The following DLG2 variants were observed in gnomAD, a reference collection of about 807,000 sequenced individuals.
The protein encoded by DLG2 is discs large MAGUK scaffold protein 2.
A neutral mutation model predicts 132.5 loss-of-function variants in DLG2; 45 were observed. The ratio of observed to expected loss-of-function variants is 0.34; its 90% CI spans 0.27 to 0.44. The LOEUF is 0.44. Among genes scored for constraint, DLG2 ranks in the 20% least tolerant of loss-of-function variants. The probability of loss-of-function intolerance (pLI) is 1.00; values close to 1 mark genes in which losing one functional copy is unlikely to be tolerated. For synonymous variants in DLG2, 424 were observed against 419.6 expected (o/e 1.01, Z -0.13); for missense variants, 1,045 against 1,196.9 (o/e 0.87, Z 1.87).
At chr11:85,087,822 G>A (rs1370166336) in intron 6 of DLG2, among the ~76,000 whole-genome samples, 4 of 122,598 alleles carry the variant, frequency 3.3e-5, no homozygotes, top group Admixed American at 1.8e-4. Context: ...TCCGGCCTGG[G>A]CGACAGAGCG....
At chr11:85,023,671 T>G (rs1020290439) in intron 6 of DLG2, among the ~76,000 whole-genome samples, 4 of 152,084 alleles carry the variant, frequency 2.6e-5, no homozygotes, top group African/African-American at 9.7e-5. Flanking sequence ...AAGTATATTG[T>G]ACCTATATAT....
chr11:85,181,560 G>T (rs1319500156), intron 4 of DLG2, among the ~76,000 whole-genome samples: 1 of 151,226 alleles, frequency 6.6e-6, no homozygotes, highest in African/African-American at 2.4e-5. Context: ...TTTTGTTTCC[G>T]TTCCCTTGTT....
chr11:84,957,270 T>A (rs2051823633), intron 6 of DLG2, among the ~76,000 whole-genome samples: 1 of 152,206 alleles, frequency 6.6e-6, no homozygotes, highest in African/African-American at 2.4e-5. Flanking sequence ...ACACACTGTC[T>A]CAGTATATTT....
chr11:83,710,163 G>A (rs971069411), intron 18 of DLG2, among the ~76,000 whole-genome samples: 20 of 136,410 alleles, frequency 1.5e-4, no homozygotes, highest in African/African-American at 6.0e-4. Flanking sequence ...AGCAAATAAG[G>A]TACTTTTTTT....
intron 3 of DLG2, among the ~76,000 whole-genome samples, chr11:85,318,847 T>C (rs2080863844): frequency 6.6e-6 from 1 of 151,812 alleles, no homozygotes; most frequent in Non-Finnish European, 1.5e-5. Flanking sequence ...CTGTTGAGGT[T>C]AAGAATCCAT....
chr11:84,401,596 A>G (rs1601487238), intron 7 of DLG2, among the ~76,000 whole-genome samples: 1 of 152,106 alleles, frequency 6.6e-6, no homozygotes, highest in Non-Finnish European at 1.5e-5. Context: ...CTCAATGTAA[A>G]TATCTATGGA....
chr11:84,045,859 A>G (rs778365451), intron 11 of DLG2, among the ~76,000 whole-genome samples: 2 of 151,698 alleles, frequency 1.3e-5, no homozygotes, highest in Admixed American at 6.6e-5. Flanking sequence ...GAGACTTGAC[A>G]GTGGCCTACA....
rs980411588 is a variant in DLG2 at position 83,457,968 on chromosome 11, G to GT, written c.*1849dup. On this transcript the variant is annotated 3_prime_UTR_variant, in exon 28 of 28. Transcript: ENST00000376104. ...AGCCAGGCAGACAATGATGTTTAGC[G>GT]TAAGATGAACAATGCCTGTTTTTGG... The GT allele has an allele frequency of 3.9e-5, 6 of 152,578 alleles. No individual in the cohort carries two copies. Among genetic ancestry groups the GT allele is most frequent in the African/African-American group, 1.2e-4 (5 of 41,410 alleles). The allele number at this position is 152,578 out of a possible 1,614,324, so 9.5% of individuals were successfully genotyped here.
chr11:83,532,850 G>C lies in DLG2; in HGVS notation c.2118-67C>G. 3 of 1,356,562 alleles carry C rather than the reference G, an allele frequency of 2.2e-6. No individual in the cohort carries two copies. The South Asian group carries it at 3.8e-5, about 17-fold the overall frequency. The allele number at this position is 1,356,562 out of a possible 1,614,324, so 84.0% of individuals were successfully genotyped here. A position where few individuals can be genotyped will look rare whatever the true frequency, so the allele number is the denominator to read the frequency against. ...CATTTATGACTAAGTTCCATATTAA[G>C]TGAAGAACATTTTTTCCTCCTATCC... On this transcript the variant is annotated intron_variant, in intron 20 of 27. Coordinates refer to ENST00000376104, the MANE Select transcript of DLG2 (RefSeq NM_001142699.3).
intron 4 of DLG2, among the ~76,000 whole-genome samples, chr11:85,219,304 A>G (rs1011661577): frequency 1.3e-5 from 2 of 152,174 alleles, no homozygotes; most frequent in African/African-American, 4.8e-5. Context: ...GCTAGATTAT[A>G]TACTCCACTT....
chr11:85,107,184 T>C (rs962375895), intron 6 of DLG2, among the ~76,000 whole-genome samples: 3 of 151,998 alleles, frequency 2.0e-5, no homozygotes, highest in Non-Finnish European at 4.4e-5. Flanking sequence ...CTATGATAAG[T>C]TCCATAATAG....
At chr11:83,862,877 A>G (rs895424361) in intron 16 of DLG2, among the ~76,000 whole-genome samples, 3 of 152,154 alleles carry the variant, frequency 2.0e-5, no homozygotes, top group African/African-American at 7.2e-5. Flanking sequence ...ACAAGCCATC[A>G]CTTGTTGAAT....
intron 7 of DLG2, among the ~76,000 whole-genome samples, chr11:84,400,947 C>G (rs1028783975): frequency 1.3e-5 from 2 of 152,102 alleles, no homozygotes; most frequent in African/African-American, 4.8e-5. Flanking sequence ...TCACCATCAC[C>G]AACTTCCTCC....
At chr11:84,938,463 A>T (rs1043753995) in intron 6 of DLG2, among the ~76,000 whole-genome samples, 1 of 152,230 alleles carries the variant, frequency 6.6e-6, no homozygotes, top group Non-Finnish European at 1.5e-5. Flanking sequence ...ATTATAGATC[A>T]CTAGCTGCCA....
At chr11:84,564,219 A>G (rs12421357) in intron 6 of DLG2, among the ~76,000 whole-genome samples, 1,959 of 152,288 alleles carry the variant, frequency 0.013, 121 homozygotes, top group Admixed American at 0.1. Context: ...GGGTTTTTAT[A>G]AAAGCTTGGG....
At chr11:83,694,538 C>A (rs900066481) in intron 18 of DLG2, among the ~76,000 whole-genome samples, 1 of 152,196 alleles carries the variant, frequency 6.6e-6, no homozygotes, top group African/African-American at 2.4e-5. Flanking sequence ...TTCCCTCCCC[C>A]CAGCACAAAG....
chr11:83,590,263 A>G (rs1440055505), intron 19 of DLG2, among the ~76,000 whole-genome samples: 1 of 152,070 alleles, frequency 6.6e-6, no homozygotes, highest in African/African-American at 2.4e-5. Flanking sequence ...CAGCAAATGT[A>G]AAAGAACAGA....
intron 3 of DLG2, among the ~76,000 whole-genome samples, chr11:85,577,438 A>G (rs1044070137): frequency 1.3e-5 from 2 of 152,138 alleles, no homozygotes; most frequent in African/African-American, 4.8e-5. Context: ...AGTGTGAGTA[A>G]ACTGGATAAA....
intron 6 of DLG2, among the ~76,000 whole-genome samples, chr11:84,972,949 G>A (rs2054309554): frequency 6.9e-6 from 1 of 144,796 alleles, no homozygotes. Context: ...CAGTTTTTTG[G>A]GTTTTTTTTT....
Sources: gnomAD v4.1 joint callset for allele counts (sites outside exome capture counted in the v4.1 genomes callset) on GRCh38, gnomAD v4.1.1 for gene constraint, MANE v1.5 for transcripts, NCBI Gene and HGNC (gene_info 2026-07-23, HGNC 2026-07-21) for gene names.